The following GABRG1 variants were observed in gnomAD, a reference collection of about 807,000 sequenced individuals.
GABRG1 encodes the protein gamma-aminobutyric acid type A receptor subunit gamma1, also known as gamma-aminobutyric acid receptor subunit gamma-1.
Under a neutral mutation model 49.8 loss-of-function variants are expected in GABRG1, and 49 were observed. The ratio of observed to expected loss-of-function variants is 0.98; its 90% CI spans 0.78 to 1.25. GABRG1 has a LOEUF of 1.25. Ranked by LOEUF, GABRG1 falls within the 50% of genes most tolerant of loss-of-function variation. The pLI, the probability that GABRG1 is intolerant of heterozygous loss-of-function variation, is 0.00. For synonymous variants in GABRG1, 232 were observed against 185.1 expected, an observed-to-expected ratio of 1.25 and a Z score of -2.06; for missense variants, 552 against 552.3, an observed-to-expected ratio of 1.00 and a Z score of 0.01.
At chr4:46,081,721 T>G (rs1719582059) in intron 3 of GABRG1, among the ~76,000 whole-genome samples, 1 of 151,890 alleles carries the variant, frequency 6.6e-6, no homozygotes, top group African/African-American at 2.4e-5. Context: ...GTTGAAGACT[T>G]AATCCCGAGA....
rs796309927 is a variant in GABRG1 at position 46,064,334 on chromosome 4, T to C, written c.625+107A>G. On this transcript the variant is annotated intron_variant, in intron 5 of 8. Transcript: ENST00000295452. The stretch of plus-strand genomic sequence containing the variant: ...TTATTTTATCTAAAAGAATTGAACA[T>C]AACTCACACTTTTGAAAATCCTATT... 4.5e-5 allele frequency: 27 copies of C among 605,812 alleles called. No individual in the cohort carries two copies. The African/African-American group carries it at 5.1e-4, about 12-fold the overall frequency. The allele number at this position is 605,812 out of a possible 1,614,324, so 37.5% of individuals were successfully genotyped here.
At chr4:46,093,591 G>C (rs1174223706) in intron 2 of GABRG1, among the ~76,000 whole-genome samples, 1 of 151,894 alleles carries the variant, frequency 6.6e-6, no homozygotes, top group East Asian at 1.9e-4. Context: ...AACCAAAAGA[G>C]TATAACTGGA....
Position 46,123,945 on chromosome 4 carries a change from C to T in GABRG1, c.-32G>A, listed in dbSNP as rs1406817456. 1 of 1,517,348 alleles carries T rather than the reference C, an allele frequency of 6.6e-7. No homozygotes were observed. Among genetic ancestry groups the T allele is most frequent in the Admixed American group, 1.7e-5 (1 of 59,396 alleles). The allele number at this position is 1,517,348 out of a possible 1,614,324, so 94.0% of individuals were successfully genotyped here. A position where few individuals can be genotyped will look rare whatever the true frequency, so the allele number is the denominator to read the frequency against. On this transcript the variant is annotated 5_prime_UTR_variant, in exon 1 of 9. Transcript: ENST00000295452. ...CGCTTTTTTACGTGTGCTGCACTAG[C>T]TCAATTCTCCCAGCCAGGACTTTTC...
intron 1 of GABRG1, among the ~76,000 whole-genome samples, chr4:46,104,684 T>G (rs971791230): frequency 6.6e-6 from 1 of 151,488 alleles, no homozygotes; most frequent in Non-Finnish European, 1.5e-5. Flanking sequence ...GTTGGGATTT[T>G]AACACTCTTT....
chr4:46,093,392 G>A (rs1214171232), intron 2 of GABRG1, among the ~76,000 whole-genome samples: 1 of 151,948 alleles, frequency 6.6e-6, no homozygotes, highest in Admixed American at 6.6e-5. Context: ...CATTTGTAGG[G>A]GTTGAAAATC....
In GABRG1 at chr4:46,117,850, ATC is replaced by A. The variant is rs1365466377; in HGVS notation, c.104+5958_104+5959del. Among the ~76,000 whole-genome samples, 112 of 85,692 alleles carry A rather than the reference ATC, an allele frequency of 1.3e-3. 1 individual carries two copies. The highest frequency in any genetic ancestry group is 6.6e-3 in the African/African-American group (83 of 12,660). 56.2% of individuals were successfully genotyped at this position (85,692 alleles called of 152,430 possible). ...CATATATACATATGTATACATGTGT[ATC>A]TATATACATATATACATATGTATAC... is the stretch of plus-strand genomic sequence containing the variant. On this transcript the variant is annotated intron_variant, in intron 1 of 8. Coordinates refer to ENST00000295452, the MANE Select transcript of GABRG1 (RefSeq NM_173536.4).
At chr4:46,072,425 C>A (rs936859065) in intron 3 of GABRG1, among the ~76,000 whole-genome samples, 21 of 152,158 alleles carry the variant, frequency 1.4e-4, no homozygotes, top group Non-Finnish European at 5.9e-5. Context: ...AATAGACACC[C>A]ATGGATTGAG....
At chr4:46,064,677 A>G (rs951230763) in intron 4 of GABRG1, among the ~76,000 whole-genome samples, 154 bp from the exon 5 acceptor site, 1 of 152,108 alleles carries the variant, frequency 6.6e-6, no homozygotes, top group Non-Finnish European at 1.5e-5. Context: ...AGTCTTAAAT[A>G]GCAATAATAT....
chr4:46,071,528 A>T (rs1363534170), intron 3 of GABRG1, among the ~76,000 whole-genome samples: 1 of 151,218 alleles, frequency 6.6e-6, no homozygotes, highest in African/African-American at 2.4e-5. Flanking sequence ...TAACTGTAAA[A>T]CATCCTCAGG....
rs757636754 is a variant in GABRG1 at position 46,051,447 on chromosome 4, T to G, written c.1108A>C (p.Arg370=). Residue 370 remains arginine, a synonymous_variant, in exon 8 of 9, where the codon AGA becomes CGA. Transcript: ENST00000295452. Reference sequence around the variant, plus strand: ...ACCGAGGCTTTATTTTTTAGCTTTCTGTCTTTAGTAGCAGTCTTTCCTTTT... The same window carrying G: ...ACCGAGGCTTTATTTTTTAGCTTTCGGTCTTTAGTAGCAGTCTTTCCTTTT... The part of the protein sequence containing the change: ...NQKGKTATKD[R]KLKNKASMTP... The G allele has an allele frequency of 6.2e-6, 10 of 1,607,454 alleles. No individual in the cohort carries two copies. In the Admixed American group the frequency reaches 1.2e-4, roughly 19 times the overall value.
chr4:46,073,565 T>C (rs550949882), intron 3 of GABRG1, among the ~76,000 whole-genome samples: 3 of 152,092 alleles, frequency 2.0e-5, no homozygotes, highest in Admixed American at 6.6e-5. Flanking sequence ...GAATAAATGA[T>C]TGAATAAGTC....
chr4:46,110,177 C>A (rs1001239946), intron 1 of GABRG1, among the ~76,000 whole-genome samples: 7 of 150,948 alleles, frequency 4.6e-5, no homozygotes, highest in Admixed American at 4.0e-4. Flanking sequence ...AGATGTATAT[C>A]TTTAAATGTA....
intron 8 of GABRG1, among the ~76,000 whole-genome samples, chr4:46,043,165 G>A (rs1273092931): frequency 1.3e-5 from 2 of 151,056 alleles, no homozygotes; most frequent in African/African-American, 4.9e-5. Flanking sequence ...TATATGAAAC[G>A]GCATTATCAT....
At chr4:46,090,072 A>G (rs1719923569) in intron 2 of GABRG1, among the ~76,000 whole-genome samples, 6 of 152,106 alleles carry the variant, frequency 3.9e-5, no homozygotes, top group South Asian at 2.1e-4. Flanking sequence ...GAAGACCTCA[A>G]TAAGTTGGTT....
intron 1 of GABRG1, among the ~76,000 whole-genome samples, chr4:46,112,979 C>A (rs1171823657): frequency 6.6e-6 from 1 of 150,870 alleles, no homozygotes; most frequent in Admixed American, 6.6e-5. Context: ...ACTACAAGGC[C>A]CCCACATTAT....
intron 8 of GABRG1, among the ~76,000 whole-genome samples, chr4:46,041,969 A>T (rs964767495): frequency 8.6e-5 from 13 of 152,026 alleles, no homozygotes; most frequent in Admixed American, 8.5e-4. Flanking sequence ...TAACAGCTTT[A>T]TTTGTAACAT....
In GABRG1 at chr4:46,037,989, G is replaced by A. The variant is rs919745326; in HGVS notation, c.*2999C>T. On this transcript the variant is annotated 3_prime_UTR_variant, in exon 9 of 9. Coordinates refer to ENST00000295452, the MANE Select transcript of GABRG1 (RefSeq NM_173536.4). ...CTAATGCCAGAATATGGAAACACAA[G>A]TGAAAAAATCCTTATGATTGCCTTC... is the stretch of plus-strand genomic sequence containing the variant. The A allele has an allele frequency of 8.6e-5, 13 of 151,748 alleles. No homozygotes were observed. Among genetic ancestry groups the A allele is most frequent in the African/African-American group, 3.1e-4 (13 of 41,506 alleles). 9.4% of individuals were successfully genotyped at this position (151,748 alleles called of 1,614,324 possible).
intron 1 of GABRG1, among the ~76,000 whole-genome samples, chr4:46,123,019 G>T (rs1217194129): frequency 6.6e-6 from 1 of 151,094 alleles, no homozygotes; most frequent in Non-Finnish European, 1.5e-5. Context: ...AGGTATTCCA[G>T]TCCAGTTTTG....
At chr4:46,123,031 T>C (rs1438486962) in intron 1 of GABRG1, among the ~76,000 whole-genome samples, 1 of 151,392 alleles carries the variant, frequency 6.6e-6, no homozygotes, top group Non-Finnish European at 1.5e-5. Flanking sequence ...CCAGTTTTGT[T>C]TCTGTTAAAT....
Sources: gnomAD v4.1 joint callset for allele counts (sites outside exome capture counted in the v4.1 genomes callset) on GRCh38, gnomAD v4.1.1 for gene constraint, MANE v1.5 for transcripts, NCBI Gene and HGNC (gene_info 2026-07-23, HGNC 2026-07-21) for gene names.